TMC1: variants seen among roughly 807,000 people sequenced by gnomAD.
TMC1 encodes the protein transmembrane channel like 1.
Under a neutral mutation model 105.8 loss-of-function variants are expected in TMC1, and 84 were observed. The ratio of observed to expected loss-of-function variants is 0.79; its 90% CI spans 0.67 to 0.95. TMC1 has a LOEUF of 0.95. TMC1 is among the 40% of genes least tolerant of loss of function. The pLI, the probability that TMC1 is intolerant of heterozygous loss-of-function variation, is 0.00. For synonymous variants in TMC1, 315 were observed against 311.5 expected, an observed-to-expected ratio of 1.01 and a Z score of -0.12; for missense variants, 817 against 914.1, an observed-to-expected ratio of 0.89 and a Z score of 1.37.
intron 5 of TMC1, among the ~76,000 whole-genome samples, chr9:72,681,583 G>A (rs1488966343): frequency 4.6e-5 from 7 of 151,924 alleles, no homozygotes; most frequent in African/African-American, 7.3e-5. Context: ...GGTAGAATTT[G>A]GAAACATACC....
chr9:72,791,526 T>C (rs1828266796), intron 15 of TMC1, among the ~76,000 whole-genome samples: 1 of 152,208 alleles, frequency 6.6e-6, no homozygotes, highest in Non-Finnish European at 1.5e-5. Flanking sequence ...CAGATTATTT[T>C]CCATTTCTTT....
intron 3 of TMC1, among the ~76,000 whole-genome samples, chr9:72,617,086 G>C (rs546973175): frequency 4.6e-5 from 7 of 152,052 alleles, no homozygotes; most frequent in Non-Finnish European, 7.4e-5. Context: ...TTTCCTTCAA[G>C]AGTTATTCAT....
intron 5 of TMC1, among the ~76,000 whole-genome samples, chr9:72,670,662 G>A (rs1826115072): frequency 6.6e-6 from 1 of 152,148 alleles, no homozygotes; most frequent in Admixed American, 6.5e-5. Context: ...CATTACACAT[G>A]TTCAAGTGGC....
intron 18 of TMC1, among the ~76,000 whole-genome samples, chr9:72,813,919 G>A (rs1564572584): frequency 6.6e-6 from 1 of 152,118 alleles, no homozygotes; most frequent in Non-Finnish European, 1.5e-5. Context: ...CTGTGCATCA[G>A]GCCAATTTAT....
At chr9:72,563,899 CAAAAAA>C (rs71357586) in intron 1 of TMC1, among the ~76,000 whole-genome samples, 7 of 52,160 alleles carry the variant, frequency 1.3e-4, no homozygotes, top group Non-Finnish European at 1.3e-4. Flanking sequence ...AACTCTGGCT[CAAAAAA>C]AAAAAAAAAA....
chr9:72,738,324 T>A (rs1198787001), intron 8 of TMC1, among the ~76,000 whole-genome samples: 1 of 152,140 alleles, frequency 6.6e-6, no homozygotes, highest in African/African-American at 2.4e-5. Flanking sequence ...TTAGCAGGTG[T>A]GTGCTGTTTT....
chr9:72,559,065 T>C (rs1207241246), intron 1 of TMC1, among the ~76,000 whole-genome samples: 1 of 152,026 alleles, frequency 6.6e-6, no homozygotes, highest in Non-Finnish European at 1.5e-5. Flanking sequence ...AATGAACACA[T>C]TTTGAGGTAA....
intron 10 of TMC1, among the ~76,000 whole-genome samples, chr9:72,749,680 T>C (rs1827547368): frequency 6.6e-6 from 1 of 152,164 alleles, no homozygotes; most frequent in South Asian, 2.1e-4. Flanking sequence ...CCAAATTCTC[T>C]TGTGAGCATA....
intron 12 of TMC1, among the ~76,000 whole-genome samples, chr9:72,755,374 A>G (rs956322065): frequency 6.6e-6 from 1 of 152,206 alleles, no homozygotes; most frequent in Non-Finnish European, 1.5e-5. Flanking sequence ...TACTTCCTAA[A>G]CAAGCCTCCT....
intron 8 of TMC1, among the ~76,000 whole-genome samples, chr9:72,732,980 A>G (rs1372221171): frequency 1.3e-5 from 2 of 152,104 alleles, no homozygotes; most frequent in East Asian, 3.9e-4. Flanking sequence ...AACTGGATCA[A>G]AGGCATTTAA....
chr9:72,802,806 C>A (rs1828499041), intron 17 of TMC1, among the ~76,000 whole-genome samples: 1 of 152,056 alleles, frequency 6.6e-6, no homozygotes, highest in Non-Finnish European at 1.5e-5. Context: ...GCCATACTGC[C>A]CAAAATAATT....
chr9:72,537,848 G>T (rs1823609027), intron 1 of TMC1, among the ~76,000 whole-genome samples: 1 of 152,164 alleles, frequency 6.6e-6, no homozygotes, highest in African/African-American at 2.4e-5. Flanking sequence ...GTTGAAGTCA[G>T]CTTGAGTTAA....
intron 1 of TMC1, among the ~76,000 whole-genome samples, chr9:72,546,482 C>T (rs1330060010): frequency 6.6e-6 from 1 of 152,142 alleles, no homozygotes; most frequent in East Asian, 1.9e-4. Context: ...TTGTTTTCTT[C>T]CGGTAACGTC....
intron 18 of TMC1, among the ~76,000 whole-genome samples, chr9:72,808,382 T>C (rs1426827032): frequency 1.3e-5 from 2 of 152,264 alleles, no homozygotes. Flanking sequence ...TCAGCTATTA[T>C]GTTACCTCCT....
intron 8 of TMC1, among the ~76,000 whole-genome samples, chr9:72,716,540 C>T (rs1826922970): frequency 6.6e-6 from 1 of 152,144 alleles, no homozygotes; most frequent in Non-Finnish European, 1.5e-5. Flanking sequence ...GTTTGAACTT[C>T]CTGGCAACTT....
At chr9:72,624,075 T>A (rs917059408) in intron 3 of TMC1, among the ~76,000 whole-genome samples, 1 of 152,164 alleles carries the variant, frequency 6.6e-6, no homozygotes, top group Non-Finnish European at 1.5e-5. Flanking sequence ...GTTGTGTAGC[T>A]ACCCTCCCTG....
chr9:72,651,111 T>TAG (rs567942790), intron 5 of TMC1: 29 of 147,880 alleles, frequency 2.0e-4, no homozygotes, highest in Non-Finnish European at 3.7e-4. Context: ...CACATATATA[T>TAG]AGCACATGTA....
chr9:72,677,223 C>G (rs1028614400), intron 5 of TMC1, among the ~76,000 whole-genome samples: 1 of 151,764 alleles, frequency 6.6e-6, no homozygotes, highest in African/African-American at 2.4e-5. Context: ...GCTTGAGAAC[C>G]CGGAGTCCTC....
intron 5 of TMC1, among the ~76,000 whole-genome samples, chr9:72,660,405 A>C (rs564658061): frequency 9.2e-5 from 14 of 152,330 alleles, no homozygotes; most frequent in African/African-American, 3.1e-4. Flanking sequence ...AATGAGTAAT[A>C]AAATAGCATT....
Sources: allele counts gnomAD v4.1 joint callset (sites outside exome capture counted in the v4.1 genomes callset), GRCh38; gene constraint gnomAD v4.1.1; transcripts MANE v1.5; gene names NCBI Gene and HGNC (gene_info 2026-07-23, HGNC 2026-07-21).